MLLT1: variants seen among roughly 807,000 people sequenced by gnomAD.
MLLT1 encodes protein ENL.
MLLT1 carries 11 observed loss-of-function variants against 55.1 expected under a neutral mutation model. That is an observed-to-expected ratio of 0.20 (90% CI 0.13 to 0.33). The LOEUF is 0.33. Ranked by LOEUF, MLLT1 falls within the 10% of genes least tolerant of loss-of-function variation. The pLI is 1.00. For synonymous variants in MLLT1, 323 were observed against 320.1 expected (o/e 1.01, Z -0.10); for missense variants, 536 against 760.6 (o/e 0.70, Z 3.47).
chr19:6,255,258 C>T (rs983147847), intron 3 of MLLT1, among the ~76,000 whole-genome samples: 2 of 152,144 alleles, frequency 1.3e-5, no homozygotes, highest in Admixed American at 6.5e-5. Context: ...TTTGGGAGGC[C>T]GAGGTGGGCG....
Position 6,230,465 on chromosome 19 carries a change from G to T in MLLT1, c.420+105C>A. ...GGTGCTGCCGTGTGACCTGCGCCTT[G>T]GGTCTCGGCCCCCAGCACCGACACC... is the stretch of plus-strand genomic sequence containing the variant. On this transcript the variant is annotated intron_variant, in intron 4 of 11. Coordinates refer to ENST00000252674, the MANE Select transcript of MLLT1 (RefSeq NM_005934.4). This position sits in a 1 kb window ranked among gnomAD's most constrained non-coding sequence, Gnocchi z 9.0. 7.2e-7 allele frequency: 1 copy of T among 1,395,164 alleles called. No homozygotes were observed. The highest frequency in any genetic ancestry group is 9.7e-7 in the Non-Finnish European group (1 of 1,027,034). 86.4% of individuals were successfully genotyped at this position (1,395,164 alleles called of 1,614,324 possible).
At chr19:6,277,124 C>T (rs1449600845) in intron 1 of MLLT1, among the ~76,000 whole-genome samples, 2 of 152,200 alleles carry the variant, frequency 1.3e-5, no homozygotes, top group Admixed American at 6.5e-5. Context: ...CCAAGAGTCC[C>T]GCAGGGACAC....
Position 6,213,762 on chromosome 19 carries a change from C to T in MLLT1, c.1443G>A (p.Lys481=). 1 of 1,612,600 alleles carries T rather than the reference C, an allele frequency of 6.2e-7. No homozygotes were observed. Residue 481 remains lysine (K), a synonymous_variant, in exon 10 of 12, where the codon AAG becomes AAA. Transcript: ENST00000252674. The stretch of plus-strand genomic sequence containing the variant: ...TGCCCTTCTTGAGGATCTTCTCAGG[C>T]TTGCTGCAGGACTCGGGGCTCCTCC... The part of the protein sequence containing the change: ...SGRRSPESCS[K]PEKILKKGTY...
Position 6,231,750 on chromosome 19 carries a change from C to G in MLLT1, c.277-1037G>C, listed in dbSNP as rs2091012888. Among the ~76,000 whole-genome samples, 1 of 152,018 alleles carries G rather than the reference C, an allele frequency of 6.6e-6. No individual in the cohort carries two copies. The highest frequency in any genetic ancestry group is 2.1e-4 in the South Asian group (1 of 4,810). ...TCTCCTGACCTCGTGACCCACCCGC[C>G]TCAGCCTCCCAAAGTGCTGGGATTA... is the stretch of plus-strand genomic sequence containing the variant. On this transcript the variant is annotated intron_variant, in intron 3 of 11. Transcript: ENST00000252674. This position sits in a 1 kb window ranked among gnomAD's most constrained non-coding sequence, Gnocchi z 5.1.
chr19:6,267,655 T>G (rs981343396), intron 2 of MLLT1, among the ~76,000 whole-genome samples: 2 of 152,166 alleles, frequency 1.3e-5, no homozygotes, highest in African/African-American at 2.4e-5. Context: ...AAACAGAAGC[T>G]GAATGAAGTC....
At chr19:6,252,099 T>G (rs2091220614) in intron 3 of MLLT1, among the ~76,000 whole-genome samples, 1 of 152,186 alleles carries the variant, frequency 6.6e-6, no homozygotes, top group African/African-American at 2.4e-5. Flanking sequence ...ACCATCCAAC[T>G]GGTTGGGTTG....
intron 3 of MLLT1, among the ~76,000 whole-genome samples, chr19:6,257,408 A>C (rs1008295228): frequency 6.6e-6 from 1 of 151,824 alleles, no homozygotes; most frequent in African/African-American, 2.4e-5. Flanking sequence ...AAAAAAAAAA[A>C]AAACACCTAA....
intron 3 of MLLT1, among the ~76,000 whole-genome samples, chr19:6,254,127 C>T (rs2091240029): frequency 6.6e-6 from 1 of 152,148 alleles, no homozygotes; most frequent in Non-Finnish European, 1.5e-5. Context: ...TCAGCCCCAC[C>T]CCCTGACCTC....
chr19:6,276,708 T>A (rs867997335), intron 1 of MLLT1, among the ~76,000 whole-genome samples: 7 of 152,030 alleles, frequency 4.6e-5, no homozygotes, highest in Middle Eastern at 3.4e-3. Flanking sequence ...CTTCCAGACA[T>A]AACCCTTAAG....
chr19:6,225,644 C>T (rs771232992), intron 5 of MLLT1, among the ~76,000 whole-genome samples: 12 of 152,182 alleles, frequency 7.9e-5, no homozygotes, highest in South Asian at 6.2e-4. Flanking sequence ...CCTCCAGGGA[C>T]GGAGAGGGTG....
intron 2 of MLLT1, among the ~76,000 whole-genome samples, chr19:6,269,128 A>C (rs1420211009): frequency 6.6e-6 from 1 of 152,234 alleles, no homozygotes; most frequent in Non-Finnish European, 1.5e-5. Context: ...CCAACGTGGC[A>C]CAAAAGCAGC....
intron 10 of MLLT1, 54 bp downstream of exon 10, chr19:6,213,672 T>TGG: frequency 5.9e-5 from 63 of 1,075,260 alleles, no homozygotes; most frequent in Non-Finnish European, 8.4e-5. Flanking sequence ...TGGCTGCAAC[T>TGG]CCCACCACCC....
Position 6,226,886 on chromosome 19 carries a change from G to T in MLLT1, c.546+91C>A. The T allele has an allele frequency of 8.6e-7, 1 of 1,162,108 alleles. No homozygotes were observed. Among genetic ancestry groups the T allele is most frequent in the Non-Finnish European group, 1.2e-6 (1 of 862,836 alleles). 72.0% of individuals were successfully genotyped at this position (1,162,108 alleles called of 1,614,324 possible). ...CCAAGGGAGCGAGCAGGTGCGGAAG[G>T]CCCAGCCCAGTGGAGGGAGGGCGCC... On this transcript the variant is annotated intron_variant, in intron 5 of 11. Coordinates refer to ENST00000252674, the MANE Select transcript of MLLT1 (RefSeq NM_005934.4). The surrounding 1 kb of genome is among the most constrained non-coding windows in gnomAD (Gnocchi z 6.3).
rs550606867 is a variant in MLLT1 at position 6,231,376 on chromosome 19, G to C, written c.277-663C>G. Among the ~76,000 whole-genome samples the C allele has an allele frequency of 6.6e-6, 1 of 152,302 alleles. No homozygotes were observed. Among genetic ancestry groups the C allele is most frequent in the East Asian group, 1.9e-4 (1 of 5,176 alleles). ...GCCTGGAAAAGGGCTGTGAGTGAGG[G>C]GCTGTGATGAATACAGAAAGGCCAG... On this transcript the variant is annotated intron_variant, in intron 3 of 11. Coordinates refer to ENST00000252674, the MANE Select transcript of MLLT1 (RefSeq NM_005934.4). This position sits in a 1 kb window ranked among gnomAD's most constrained non-coding sequence, Gnocchi z 5.1.
rs2090968211 is a variant in MLLT1 at position 6,227,658 on chromosome 19, C to T, written c.421-556G>A. Among the ~76,000 whole-genome samples the T allele has an allele frequency of 6.6e-6, 1 of 152,206 alleles. No homozygotes were observed. The highest frequency in any genetic ancestry group is 1.5e-5 in the Non-Finnish European group (1 of 68,022). ...TGAGGCCGAGACCAAGGCAGACGAC[C>T]TGTGCCTACTGGGGGGGTCTCTCTG... On this transcript the variant is annotated intron_variant, in intron 4 of 11. Coordinates refer to ENST00000252674, the MANE Select transcript of MLLT1 (RefSeq NM_005934.4). This position sits in a 1 kb window ranked among gnomAD's most constrained non-coding sequence, Gnocchi z 5.1.
rs940419896 is a variant in MLLT1 at position 6,231,691 on chromosome 19, C to T, written c.277-978G>A. Among the ~76,000 whole-genome samples the T allele has an allele frequency of 2.6e-5, 4 of 151,910 alleles. No homozygotes were observed. The highest frequency in any genetic ancestry group is 6.6e-5 in the Admixed American group (1 of 15,264). On this transcript the variant is annotated intron_variant, in intron 3 of 11. Coordinates refer to ENST00000252674, the MANE Select transcript of MLLT1 (RefSeq NM_005934.4). The surrounding 1 kb of genome is among the most constrained non-coding windows in gnomAD (Gnocchi z 5.1). Reference sequence around the variant, plus strand: ...TAATTTTTTGTATTTTCAGTAAAGACGGGGTTTCACCATGTTAACCAGGAT... The same window carrying T: ...TAATTTTTTGTATTTTCAGTAAAGATGGGGTTTCACCATGTTAACCAGGAT...
rs2091255947 is a variant in MLLT1 at position 6,256,243 on chromosome 19, A to AAATAAATG, written c.276+5984_276+5985insCATTTATT. The stretch of plus-strand genomic sequence containing the variant: ...AAGATAAATAAATAAATAAATAAAT[A>AAATAAATG]AATAAATAAATAAAAAGACCAGCCT... On this transcript the variant is annotated intron_variant, in intron 3 of 11. Transcript: ENST00000252674. The surrounding 1 kb of genome is among the most constrained non-coding windows in gnomAD (Gnocchi z 4.1). 2.0e-5 allele frequency among the ~76,000 whole-genome samples: 3 copies of AAATAAATG among 149,902 alleles called. No individual in the cohort carries two copies. The highest frequency in any genetic ancestry group is 1.3e-4 in the Admixed American group (2 of 15,078).
At position 6,226,911 on chromosome 19, in the gene MLLT1, C is replaced by T. The variant is rs1009697833; in HGVS notation, c.546+66G>A. 2.1e-5 allele frequency: 29 copies of T among 1,408,104 alleles called. No homozygotes were observed. Among genetic ancestry groups the T allele is most frequent in the Admixed American group, 3.3e-5 (1 of 30,642 alleles). 87.2% of individuals were successfully genotyped at this position (1,408,104 alleles called of 1,614,324 possible). A position where few individuals can be genotyped will look rare whatever the true frequency, so the allele number is the denominator to read the frequency against. The stretch of plus-strand genomic sequence containing the variant: ...GCCCAGCCCAGTGGAGGGAGGGCGC[C>T]GGGGCCAGACCCACCACAGCTGGGC... On this transcript the variant is annotated intron_variant, in intron 5 of 11. Coordinates refer to ENST00000252674, the MANE Select transcript of MLLT1 (RefSeq NM_005934.4). This position sits in a 1 kb window ranked among gnomAD's most constrained non-coding sequence, Gnocchi z 6.3.
intron 2 of MLLT1, among the ~76,000 whole-genome samples, chr19:6,268,635 G>C (rs1403004846): frequency 1.3e-5 from 2 of 152,278 alleles, no homozygotes; most frequent in Middle Eastern, 6.8e-3. Flanking sequence ...TTTATTCAAT[G>C]CCACAGAGTG....
Sources: allele counts gnomAD v4.1 joint callset (sites outside exome capture counted in the v4.1 genomes callset), GRCh38; gene constraint gnomAD v4.1.1; non-coding constraint Gnocchi (gnomAD v3.1); transcripts MANE v1.5; gene names NCBI Gene and HGNC (gene_info 2026-07-23, HGNC 2026-07-21).